Variants in TECTB observed in about 807,000 individuals in gnomAD.
The protein encoded by TECTB is beta-tectorin.
In TECTB, 45 loss-of-function variants were observed where a neutral mutation model predicts 43.3. The ratio of observed to expected loss-of-function variants is 1.04; its 90% CI spans 0.82 to 1.33. The LOEUF is 1.33. Ranked by LOEUF, TECTB falls within the 40% of genes most tolerant of loss-of-function variation. The pLI is 0.00. For synonymous variants in TECTB, 169 were observed against 156.7 expected (o/e 1.08, Z -0.59); for missense variants, 399 against 404.7 (o/e 0.99, Z 0.12).
At chr10:112,300,701 T>C (rs1028315500) in intron 9 of TECTB, among the ~76,000 whole-genome samples, 1 of 152,258 alleles carries the variant, frequency 6.6e-6, no homozygotes, top group African/African-American at 2.4e-5. Context: ...ATGCTCATTG[T>C]AGCATTTTAG....
At position 112,298,157 on chromosome 10, in the gene TECTB, A is replaced by G. The variant is rs1348307523; in HGVS notation, c.760A>G (p.Ile254Val). The G allele has an allele frequency of 6.2e-7, 1 of 1,614,230 alleles. No individual in the cohort carries two copies. Among genetic ancestry groups the G allele is most frequent in the Non-Finnish European group, 8.5e-7 (1 of 1,180,044 alleles). ...FQFNAFRFQN[I>V]PKLSKVWLHC... ...ATTCAATGCTTTCCGGTTCCAGAAC[A>G]TCCCCAAACTCTCCAAGGTGTGGTT... The change falls in exon 8 of 11, where the codon ATC becomes GTC. Residue 254 changes from isoleucine to valine, a missense_variant. Ile to Val is a conservative substitution (Grantham distance 29). Coordinates refer to ENST00000646139, the MANE Select transcript of TECTB (RefSeq NM_058222.3).
intron 5 of TECTB, among the ~76,000 whole-genome samples, chr10:112,293,492 G>C (rs146454531): frequency 6.6e-6 from 1 of 152,206 alleles, no homozygotes; most frequent in African/African-American, 2.4e-5. Flanking sequence ...GAGACATACA[G>C]TGTGTGTCTC....
At chr10:112,299,385 C>A in intron 8 of TECTB, 107 bp from the exon 9 acceptor site, 2 of 1,058,612 alleles carry the variant, frequency 1.9e-6, no homozygotes, top group Non-Finnish European at 2.8e-6. Flanking sequence ...TGACTCCACC[C>A]CATTTGTGAC....
chr10:112,286,050 C>A, intron 3 of TECTB, 21 bp from the exon 4 acceptor site: 1 of 1,613,808 alleles, frequency 6.2e-7, no homozygotes, highest in Non-Finnish European at 8.5e-7. Flanking sequence ...TTCATCCTGA[C>A]TGTCTCCTTT....
At chr10:112,298,032 A>C (rs1370756715) in intron 7 of TECTB, 37 bp from the exon 8 acceptor site, 2 of 1,613,204 alleles carry the variant, frequency 1.2e-6, no homozygotes, top group Admixed American at 3.3e-5. Flanking sequence ...GAGTTCAAGG[A>C]GATGACAGTT....
chr10:112,301,769 G>C (rs77698341), intron 9 of TECTB, among the ~76,000 whole-genome samples: 4,789 of 151,984 alleles, frequency 0.032, 251 homozygotes, highest in African/African-American at 0.11. Context: ...TTTTGAGACC[G>C]TGTCGCCCAG....
chr10:112,291,371 A>G (rs1253981126), intron 5 of TECTB, among the ~76,000 whole-genome samples: 2 of 152,224 alleles, frequency 1.3e-5, no homozygotes, highest in Non-Finnish European at 2.9e-5. Context: ...AAGAATGTAT[A>G]TCATTCTATT....
intron 5 of TECTB, among the ~76,000 whole-genome samples, chr10:112,292,797 C>T (rs1328623672): frequency 2.0e-5 from 3 of 152,082 alleles, no homozygotes; most frequent in African/African-American, 7.2e-5. Flanking sequence ...ACCCCCACCC[C>T]GCTCCCCACT....
rs749090940 is a variant in TECTB, at chr10:112,284,684, T to G, written c.226T>G (p.Leu76Val). The G allele has an allele frequency of 6.2e-7, 1 of 1,611,564 alleles. No individual in the cohort carries two copies. Among genetic ancestry groups the G allele is most frequent in the Non-Finnish European group, 8.5e-7 (1 of 1,178,814 alleles). ...GGYYQFVIPD[L>V]SPKNKSYCGT... Reference sequence around the variant, plus strand: ...TTACTACCAATTTGTGATCCCAGATTTATCACCTAAAAACAAGTCCTATTG... The same window carrying G: ...TTACTACCAATTTGTGATCCCAGATGTATCACCTAAAAACAAGTCCTATTG... The change falls in exon 3 of 11, where the codon TTA becomes GTA. Residue 76 changes from leucine to valine, a missense_variant. By Grantham distance (32) the Leu-to-Val change is conservative (BLOSUM62 1). Transcript: ENST00000646139.
In TECTB at chr10:112,298,125, C is replaced by T. The variant is rs35030677; in HGVS notation, c.728C>T (p.Thr243Ile). 984 of 1,614,190 alleles carry T rather than the reference C, an allele frequency of 6.1e-4. 5 individuals are homozygous for T. The African/African-American group carries it at 0.011, about 18-fold the overall frequency. The part of the protein sequence containing the change: ...VHENGRDHRA[T>I]FQFNAFRFQN... ...GAGAATGGGAGAGATCACAGGGCAA[C>T]CTTCCAATTCAATGCTTTCCGGTTC... is the stretch of plus-strand genomic sequence containing the variant. Residue 243 changes from threonine (T) to isoleucine (I), a missense_variant, in exon 8 of 11, where the codon ACC (threonine) becomes ATC (isoleucine). By Grantham distance (89) the Thr-to-Ile change is moderately conservative (BLOSUM62 -1). Transcript: ENST00000646139.
intron 5 of TECTB, 131 bp downstream of exon 5, chr10:112,286,522 T>C (rs1025500684): frequency 2.0e-6 from 2 of 1,006,224 alleles, no homozygotes; most frequent in South Asian, 1.8e-5. Flanking sequence ...AGTTGAAACA[T>C]GAACTTTGGT....
Position 112,286,268 on chromosome 10 carries a change from C to T in TECTB, c.411-51C>T, listed in dbSNP as rs774580788. The T allele has an allele frequency of 9.9e-6, 16 of 1,613,170 alleles. No homozygotes were observed. The African/African-American group carries it at 2.1e-4, about 22-fold the overall frequency. On this transcript the variant is annotated intron_variant, in intron 4 of 10. Coordinates refer to ENST00000646139, the MANE Select transcript of TECTB (RefSeq NM_058222.3). ...CTGCCTCATGTGTGTACTGCAGGTCCTATCAATCAGCGTGTTTCAGTCCTT... is the reference window on the plus strand; with the variant it reads ...CTGCCTCATGTGTGTACTGCAGGTCTTATCAATCAGCGTGTTTCAGTCCTT...
intron 5 of TECTB, among the ~76,000 whole-genome samples, chr10:112,291,907 C>T (rs1296222381): frequency 9.9e-5 from 15 of 152,220 alleles, no homozygotes; most frequent in Middle Eastern, 3.4e-3. Flanking sequence ...GAGGCCGAGG[C>T]GGGCAGATCA....
Position 112,300,200 on chromosome 10 carries a change from A to G in TECTB, c.907+636A>G, listed in dbSNP as rs192282752. On this transcript the variant is annotated intron_variant, in intron 9 of 10. Transcript: ENST00000646139. ...AAGAAAGAAAGAAAAAGAAGAAAGA[A>G]AGAGAGACAGACAGACAGACAGAAA... Among the ~76,000 whole-genome samples the G allele has an allele frequency of 3.0e-5, 4 of 133,178 alleles. 1 individual carries two copies. Among genetic ancestry groups the G allele is most frequent in the Admixed American group, 8.2e-5 (1 of 12,174 alleles). 87.4% of individuals were successfully genotyped at this position (133,178 alleles called of 152,430 possible).
rs558151986 is a variant in TECTB at position 112,304,657 on chromosome 10, C to A, written c.*1345C>A. 6.9e-6 allele frequency: 1 copy of A among 144,720 alleles called. No individual in the cohort carries two copies. Among genetic ancestry groups the A allele is most frequent in the African/African-American group, 2.9e-5 (1 of 34,374 alleles). 9.0% of individuals were successfully genotyped at this position (144,720 alleles called of 1,614,324 possible). A position where few individuals can be genotyped will look rare whatever the true frequency, so the allele number is the denominator to read the frequency against. ...TTTTGCAATTTGCAGTTTGATGATT[C>A]TTTTACAACTTGTGTTAGTGAACTC... On this transcript the variant is annotated 3_prime_UTR_variant, in exon 11 of 11. Transcript: ENST00000646139.
In TECTB at chr10:112,291,782, G is replaced by T. The variant is rs187733779; in HGVS notation, c.484-1956G>T. 1.7e-3 allele frequency among the ~76,000 whole-genome samples: 256 copies of T among 152,248 alleles called. 2 individuals are homozygous for T. The highest frequency in any genetic ancestry group is 5.8e-3 in the African/African-American group (243 of 41,546). ...TGCCTATAGTGTGTCCCAAGTTAGC[G>T]GTGGAAGCTCGGGTTAGCCCAGGAT... On this transcript the variant is annotated intron_variant, in intron 5 of 10. Transcript: ENST00000646139.
Position 112,303,275 on chromosome 10 carries a change from A to G in TECTB, c.953A>G (p.His318Arg). 6.2e-7 allele frequency: 1 copy of G among 1,613,968 alleles called. No individual in the cohort carries two copies. Among genetic ancestry groups the G allele is most frequent in the Non-Finnish European group, 8.5e-7 (1 of 1,179,998 alleles). ...SLYSFSDVLH[H>R]LIMMLGICAV... ...TTCTGGTCCACAGATGTTCTCCACC[A>G]CCTCATCATGATGTTGGGGATTTGT... is the stretch of plus-strand genomic sequence containing the variant. Residue 318 changes from histidine to arginine, a missense_variant, in exon 11 of 11, where the codon CAC (histidine) becomes CGC (arginine). Physicochemically the swap from His to Arg is conservative, Grantham distance 29. Transcript: ENST00000646139.
At chr10:112,285,843 C>T (rs1032876371) in intron 3 of TECTB, among the ~76,000 whole-genome samples, 2 of 152,176 alleles carry the variant, frequency 1.3e-5, no homozygotes, top group African/African-American at 4.8e-5. Context: ...AAGCATACGA[C>T]ATCAACCTAG....
At chr10:112,295,504 C>T (rs1564709083) in intron 7 of TECTB, among the ~76,000 whole-genome samples, 1 of 152,242 alleles carries the variant, frequency 6.6e-6, no homozygotes, top group Non-Finnish European at 1.5e-5. Context: ...GTCAGTGTTA[C>T]CTCCTGAGTG....
Sources: allele counts gnomAD v4.1 joint callset (sites outside exome capture counted in the v4.1 genomes callset), GRCh38; gene constraint gnomAD v4.1.1; transcripts MANE v1.5; gene names NCBI Gene and HGNC (gene_info 2026-07-23, HGNC 2026-07-21).